Variants in DDX21 observed in about 807,000 individuals in gnomAD.
The protein encoded by DDX21 is DExD-box helicase 21, also known as nucleolar RNA helicase 2.
DDX21 carries 18 observed loss-of-function variants against 90.0 expected under a neutral mutation model. That is an observed-to-expected ratio of 0.20 (90% CI 0.14 to 0.30). DDX21 has a LOEUF of 0.30. DDX21 is among the 10% of genes least tolerant of loss of function. The probability of loss-of-function intolerance (pLI) is 1.00; values close to 1 mark genes in which losing one functional copy is unlikely to be tolerated. For missense variants in DDX21, 673 were observed against 944.5 expected, an observed-to-expected ratio of 0.71 and a Z score of 3.77; for synonymous variants, 294 against 318.0, an observed-to-expected ratio of 0.92 and a Z score of 0.80.
chr10:68,962,008 C>G (rs968433580), intron 2 of DDX21, 74 bp from the exon 3 acceptor site: 8 of 1,209,110 alleles, frequency 6.6e-6, no homozygotes, highest in Non-Finnish European at 9.5e-6. Context: ...CTTGTTTTGT[C>G]TCTTTCTCAG....
chr10:68,968,325 T>G (rs927520252), intron 6 of DDX21, among the ~76,000 whole-genome samples: 1 of 152,184 alleles, frequency 6.6e-6, no homozygotes, highest in African/African-American at 2.4e-5. Context: ...GGCTAATGTT[T>G]TTATTATTGA....
intron 14 of DDX21, among the ~76,000 whole-genome samples, chr10:68,982,171 A>G (rs768916291): frequency 2.0e-5 from 3 of 152,236 alleles, no homozygotes; most frequent in Non-Finnish European, 2.9e-5. Flanking sequence ...TCCAGCCTAC[A>G]GGTTTTCATA....
rs766369835 is a variant in DDX21, at chr10:68,959,811, G to A, written c.93G>A (p.Glu31=). Residue 31 remains glutamate (E), a synonymous_variant, in exon 2 of 15, where the codon GAG becomes GAA. Transcript: ENST00000354185. Reference sequence around the variant, plus strand: ...TCCTTATGAATTTTTTTTAGAAAGAGAAAAAAGAGAAGCCAAAATCTGATA... The same window carrying A: ...TCCTTATGAATTTTTTTTAGAAAGAAAAAAAAGAGAAGCCAAAATCTGATA... ...ETLRKQTEEK[E]KKEKPKSDKT... The A allele has an allele frequency of 3.3e-6, 5 of 1,529,992 alleles. No individual in the cohort carries two copies. The highest frequency in any genetic ancestry group is 2.5e-5 in the Admixed American group (1 of 40,490). 94.8% of individuals were successfully genotyped at this position (1,529,992 alleles called of 1,614,324 possible).
intron 11 of DDX21, among the ~76,000 whole-genome samples, chr10:68,974,995 CA>C (rs3832708): frequency 0.066 from 10,021 of 150,770 alleles, 365 homozygotes; most frequent in Middle Eastern, 0.11. Flanking sequence ...ACCTGTTTAT[CA>C]AAAAAAAACC....
rs1843224859 is a variant in DDX21 at position 68,983,538 on chromosome 10, A to G, written c.*726A>G. On this transcript the variant is annotated 3_prime_UTR_variant, in exon 15 of 15. Coordinates refer to ENST00000354185, the MANE Select transcript of DDX21 (RefSeq NM_004728.4). ...GAAAGCCAGGGTTTTAAGGAATTTC[A>G]CATGTATAAGGTGGCTCCATAGCTT... 6.6e-6 allele frequency: 1 copy of G among 152,138 alleles called. No homozygotes were observed. The highest frequency in any genetic ancestry group is 2.1e-4 in the South Asian group (1 of 4,832). The allele number at this position is 152,138 out of a possible 1,614,324, so 9.4% of individuals were successfully genotyped here. A position where few individuals can be genotyped will look rare whatever the true frequency, so the allele number is the denominator to read the frequency against.
intron 12 of DDX21, 109 bp from the exon 13 acceptor site, chr10:68,978,733 T>C: frequency 1.4e-6 from 2 of 1,417,634 alleles, no homozygotes; most frequent in East Asian, 4.7e-5. Flanking sequence ...GAGATGTATG[T>C]TTTTAGGAAT....
intron 5 of DDX21, 30 bp from the exon 6 acceptor site, chr10:68,966,988 C>T (rs1422047944): frequency 9.4e-6 from 15 of 1,593,066 alleles, no homozygotes; most frequent in Non-Finnish European, 1.3e-5. Context: ...TTACTAAAAA[C>T]CCAGCAAATC....
At chr10:68,969,268 T>C in intron 7 of DDX21, 147 bp downstream of exon 7, 1 of 818,146 alleles carries the variant, frequency 1.2e-6, no homozygotes, top group Non-Finnish European at 1.8e-6. Flanking sequence ...TTGAGCTGTA[T>C]ATGATATCTG....
In DDX21 at chr10:68,960,453, C is replaced by CTA. The variant is rs1009647722; in HGVS notation, c.531+205_531+206insAT. On this transcript the variant is annotated intron_variant, in intron 2 of 14. Transcript: ENST00000354185. ...GCATGGTGGCTCAGCTAAGAGTACT[C>CTA]TGTCTTTTTTATTTTTTTATTTTTT... 7.3e-5 allele frequency among the ~76,000 whole-genome samples: 11 copies of CTA among 151,290 alleles called. No individual in the cohort carries two copies. The East Asian group carries it at 2.1e-3, about 29-fold the overall frequency.
chr10:68,974,104 T>C (rs923427250), intron 10 of DDX21, among the ~76,000 whole-genome samples: 1 of 152,174 alleles, frequency 6.6e-6, no homozygotes, highest in Non-Finnish European at 1.5e-5. Flanking sequence ...GGACTTGCTT[T>C]CAAAGAATAG....
intron 3 of DDX21, 26 bp downstream of exon 3, chr10:68,962,183 A>T (rs967518447): frequency 6.6e-7 from 1 of 1,512,050 alleles, no homozygotes; most frequent in Non-Finnish European, 9.1e-7. Context: ...ATATCGTATG[A>T]TGTTAGAACG....
At chr10:68,960,321 T>C in intron 2 of DDX21, 72 bp downstream of exon 2, 7 of 1,438,374 alleles carry the variant, frequency 4.9e-6, no homozygotes, top group Non-Finnish European at 6.5e-6. Flanking sequence ...GTAACTGCTA[T>C]ATGTACTCTT....
At chr10:68,964,507 C>T (rs1294035887) in intron 4 of DDX21, among the ~76,000 whole-genome samples, 5 of 152,190 alleles carry the variant, frequency 3.3e-5, no homozygotes, top group Middle Eastern at 6.8e-3. Context: ...GGATTACAGG[C>T]GTGTACCACC....
chr10:68,959,784 T>G, intron 1 of DDX21, 22 bp from the exon 2 acceptor site: 2 of 1,498,308 alleles, frequency 1.3e-6, no homozygotes, highest in Non-Finnish European at 1.8e-6. Context: ...GTGTTTGTAT[T>G]TTCCTTATGA....
At position 68,959,962 on chromosome 10, in the gene DDX21, G is replaced by A. The variant is rs375850935; in HGVS notation, c.244G>A (p.Glu82Lys). The change falls in exon 2 of 15, where the codon GAG becomes AAG. Residue 82 changes from glutamate to lysine, a missense_variant. Physicochemically the swap from Glu to Lys is moderately conservative, Grantham distance 56. Around this residue, in one of 4 missense-constraint regions of DDX21, gnomAD observed 204 missense variants for 221.6 expected, o/e 0.92. Transcript: ENST00000354185. The part of the protein sequence containing the change: ...PKSKKAKKKE[E>K]PSQNDISPKT... ...ATCCAAAAAGGCAAAAAAGAAAGAGGAGCCATCTCAAAATGACATTTCTCC... is the reference window on the plus strand; with the variant it reads ...ATCCAAAAAGGCAAAAAAGAAAGAGAAGCCATCTCAAAATGACATTTCTCC... 2.9e-5 allele frequency: 46 copies of A among 1,610,754 alleles called. No homozygotes were observed. In the African/African-American group the frequency reaches 6.0e-4, roughly 21 times the overall value.
intron 3 of DDX21, 21 bp downstream of exon 3, chr10:68,962,178 G>A (rs750537073): frequency 1.2e-5 from 18 of 1,537,416 alleles, no homozygotes; most frequent in South Asian, 6.9e-5. Context: ...TGGAAATATC[G>A]TATGATGTTA....
intron 2 of DDX21, among the ~76,000 whole-genome samples, chr10:68,960,770 T>C (rs111299380): frequency 0.01 from 753 of 74,864 alleles, 1 homozygote; most frequent in Non-Finnish European, 0.016. Context: ...GCGGACTCTG[T>C]CTTTAAAAAA....
At chr10:68,978,693 C>G in intron 12 of DDX21, 149 bp from the exon 13 acceptor site, 1 of 1,006,108 alleles carries the variant, frequency 9.9e-7, no homozygotes, top group East Asian at 2.7e-5. Context: ...CCAAGTAAAA[C>G]GAGGGACTGT....
intron 10 of DDX21, 113 bp downstream of exon 10, chr10:68,973,777 C>G: frequency 1.5e-6 from 2 of 1,373,682 alleles, no homozygotes; most frequent in Non-Finnish European, 1.9e-6. Flanking sequence ...GTGGCAATGA[C>G]TGAAAGCTTA....
Sources: allele counts gnomAD v4.1 joint callset (sites outside exome capture counted in the v4.1 genomes callset), GRCh38; gene constraint gnomAD v4.1.1; regional missense constraint gnomAD v4.1.1; transcripts MANE v1.5; gene names NCBI Gene and HGNC (gene_info 2026-07-23, HGNC 2026-07-21).